The following SEMA3A variants were observed in gnomAD, a reference collection of about 807,000 sequenced individuals.
The protein encoded by SEMA3A is semaphorin 3A.
SEMA3A carries 29 observed loss-of-function variants against 97.9 expected under a neutral mutation model. The ratio of observed to expected loss-of-function variants is 0.30; its 90% confidence interval spans 0.22 to 0.40. The LOEUF (loss-of-function observed/expected upper bound fraction) is 0.40, where lower values mean the gene tolerates loss of function less well. Ranked by LOEUF, SEMA3A falls within the 10% of genes least tolerant of loss-of-function variation. The probability of loss-of-function intolerance (pLI) is 1.00; values close to 1 mark genes in which losing one functional copy is unlikely to be tolerated. For synonymous variants in SEMA3A, 321 were observed against 323.7 expected (o/e 0.99, Z 0.09); for missense variants, 763 against 951.3 (o/e 0.80, Z 2.60).
intron 3 of SEMA3A, among the ~76,000 whole-genome samples, chr7:84,233,112 G>T (rs1409568515): frequency 6.6e-6 from 1 of 151,916 alleles, no homozygotes; most frequent in African/African-American, 2.4e-5. Flanking sequence ...CCTGACTAAT[G>T]AATTAACTTG....
At chr7:84,390,797 G>A (rs1028524584) in intron 1 of SEMA3A, among the ~76,000 whole-genome samples, 1 of 152,068 alleles carries the variant, frequency 6.6e-6, no homozygotes, top group African/African-American at 2.4e-5. Context: ...ATCATTTTGG[G>A]ATATAGATAA....
intron 3 of SEMA3A, among the ~76,000 whole-genome samples, chr7:84,251,121 A>C (rs1040080087): frequency 6.6e-6 from 1 of 152,232 alleles, no homozygotes; most frequent in Non-Finnish European, 1.5e-5. Context: ...ATGTAACAAA[A>C]GAAAGGTATG....
intron 4 of SEMA3A, among the ~76,000 whole-genome samples, chr7:84,064,129 A>C (rs1303098197): frequency 6.6e-6 from 1 of 152,190 alleles, no homozygotes; most frequent in Non-Finnish European, 1.5e-5. Context: ...ATTCTTAAAG[A>C]AAAGAATTTT....
At chr7:84,368,052 G>C (rs1355173232) in intron 2 of SEMA3A, among the ~76,000 whole-genome samples, 1 of 151,140 alleles carries the variant, frequency 6.6e-6, no homozygotes, top group Non-Finnish European at 1.5e-5. Flanking sequence ...GAGTATATAA[G>C]TGAGCACAAT....
chr7:84,067,524 C>A (rs1309227537), intron 4 of SEMA3A, among the ~76,000 whole-genome samples: 1 of 151,930 alleles, frequency 6.6e-6, no homozygotes, highest in Non-Finnish European at 1.5e-5. Flanking sequence ...ACCTACTCAT[C>A]TGACAAAGGG....
At chr7:84,165,974 T>G (rs1797193330) in intron 1 of SEMA3A, among the ~76,000 whole-genome samples, 1 of 152,070 alleles carries the variant, frequency 6.6e-6, no homozygotes, top group Non-Finnish European at 1.5e-5. Flanking sequence ...AGTGGTAAGA[T>G]AAGAAAGATG....
chr7:84,304,460 T>G (rs536828496), intron 3 of SEMA3A, among the ~76,000 whole-genome samples: 2 of 152,136 alleles, frequency 1.3e-5, no homozygotes, highest in African/African-American at 4.8e-5. Context: ...AAATAAGACT[T>G]TACTCAATCA....
intron 6 of SEMA3A, among the ~76,000 whole-genome samples, chr7:84,020,035 C>CTTTTTTTTTTTTTTTTTTTTTTTTT (rs781108685): frequency 3.4e-5 from 2 of 58,258 alleles, no homozygotes; most frequent in Non-Finnish European, 6.2e-5. Flanking sequence ...TTTTTTCTTT[C>CTTTTTTTTTTTTTTTTTTTTTTTTT]TTTTTTTTTT....
chr7:84,010,658 T>C (rs1390377437), intron 9 of SEMA3A, among the ~76,000 whole-genome samples: 1 of 152,184 alleles, frequency 6.6e-6, no homozygotes, highest in African/African-American at 2.4e-5. Context: ...TTTAAATTAA[T>C]TTTTCCATCC....
At position 84,011,314 on chromosome 7, in the gene SEMA3A, C is replaced by T. The variant is rs759171274; in HGVS notation, c.811-17G>A. On this transcript the variant is annotated splice_polypyrimidine_tract_variant and intron_variant, in intron 7 of 16. Transcript: ENST00000265362. ...AAAGTCATTCTGAAAGAAGGGAACA[C>T]CAGTGTTAGGCACTGTTAATGAAAA... The T allele has an allele frequency of 1.4e-6, 2 of 1,449,786 alleles. No homozygotes were observed. The highest frequency in any genetic ancestry group is 1.9e-6 in the Non-Finnish European group (2 of 1,030,570). The allele number at this position is 1,449,786 out of a possible 1,614,324, so 89.8% of individuals were successfully genotyped here.
intron 4 of SEMA3A, among the ~76,000 whole-genome samples, chr7:84,090,582 AAAAT>A (rs1794532494): frequency 6.6e-6 from 1 of 152,214 alleles, no homozygotes; most frequent in East Asian, 1.9e-4. Context: ...GGAAGAAATG[AAAAT>A]AAATAAAAGG....
At chr7:84,117,991 T>G (rs993364789) in intron 3 of SEMA3A, among the ~76,000 whole-genome samples, 4 of 152,308 alleles carry the variant, frequency 2.6e-5, no homozygotes, top group Middle Eastern at 6.8e-3. Context: ...GTTTGGATAT[T>G]TCTATGACTG....
rs1420728409 is a variant in SEMA3A at position 83,964,197 on chromosome 7, C to T, written c.1718-850G>A. Among the ~76,000 whole-genome samples the T allele has an allele frequency of 6.6e-5, 10 of 152,104 alleles. No individual in the cohort carries two copies. In the East Asian group the frequency reaches 1.9e-3, roughly 29 times the overall value. ...AGATCAAAAGTACAACACAGGGAGT[C>T]TAGGTAAAACTCATTTAGAGAACAA... is the stretch of plus-strand genomic sequence containing the variant. On this transcript the variant is annotated intron_variant, in intron 15 of 16. Coordinates refer to ENST00000265362, the MANE Select transcript of SEMA3A (RefSeq NM_006080.3).
rs140720034 is a variant in SEMA3A, at chr7:84,426,331, C to T, written c.-245-54431G>A. ...AGATAGATAGATAGACAGACAAATGCCTTGAAAGAAATAAAAATATATCTG... is the reference window on the plus strand; with the variant it reads ...AGATAGATAGATAGACAGACAAATGTCTTGAAAGAAATAAAAATATATCTG... On this transcript the variant is annotated intron_variant, in intron 1 of 3. Coordinates refer to the SEMA3A transcript ENST00000424555. Among the ~76,000 whole-genome samples, 534 of 148,638 alleles carry T rather than the reference C, an allele frequency of 3.6e-3. 5 individuals are homozygous for T. Among genetic ancestry groups the T allele is most frequent in the East Asian group, 0.032 (161 of 5,062 alleles).
chr7:84,086,530 T>A (rs938521552), intron 4 of SEMA3A, among the ~76,000 whole-genome samples: 1 of 60,376 alleles, frequency 1.7e-5, no homozygotes, highest in Non-Finnish European at 4.8e-5. Flanking sequence ...ATATAATATA[T>A]TATTATATTA....
intron 3 of SEMA3A, among the ~76,000 whole-genome samples, chr7:84,203,290 C>T (rs1011353899): frequency 1.3e-5 from 2 of 151,492 alleles, no homozygotes; most frequent in South Asian, 4.2e-4. Flanking sequence ...TATCACATTT[C>T]CTCAGTGGAC....
intron 1 of SEMA3A, among the ~76,000 whole-genome samples, chr7:84,424,910 A>T (rs1393376410): frequency 2.0e-5 from 2 of 97,916 alleles, no homozygotes; most frequent in African/African-American, 4.3e-5. Context: ...TATAAACATA[A>T]ATATATATAT....
At chr7:84,270,799 A>G (rs913567503) in intron 3 of SEMA3A, among the ~76,000 whole-genome samples, 4 of 151,612 alleles carry the variant, frequency 2.6e-5, no homozygotes, top group African/African-American at 9.7e-5. Context: ...ATTAGATTTT[A>G]AAACAATTTA....
chr7:84,207,486 C>G (rs954101304), intron 3 of SEMA3A, among the ~76,000 whole-genome samples: 8 of 152,116 alleles, frequency 5.3e-5, no homozygotes, highest in African/African-American at 1.9e-4. Flanking sequence ...GGTTAAAGAC[C>G]ATTTTCTTAC....
Sources: allele counts gnomAD v4.1 joint callset (sites outside exome capture counted in the v4.1 genomes callset), GRCh38; gene constraint gnomAD v4.1.1; transcripts MANE v1.5; gene names NCBI Gene and HGNC (gene_info 2026-07-23, HGNC 2026-07-21).